The following KCNJ3 variants were observed in gnomAD, a reference collection of about 807,000 sequenced individuals.
The protein encoded by KCNJ3 is G protein-activated inward rectifier potassium channel 1.
In KCNJ3, 4 loss-of-function variants were observed where a neutral mutation model predicts 39.2. The observed-to-expected ratio is 0.10, with a 90% CI of 0.05 to 0.23. The LOEUF (loss-of-function observed/expected upper bound fraction) is 0.23, where lower values mean the gene tolerates loss of function less well. Ranked by LOEUF, KCNJ3 falls within the 10% of genes least tolerant of loss-of-function variation. The pLI is 1.00. For synonymous variants in KCNJ3, 230 were observed against 237.4 expected (o/e 0.97, Z 0.29); for missense variants, 276 against 634.9 (o/e 0.43, Z 6.08).
chr2:154,788,829 G>A (rs1475514598), intron 2 of KCNJ3, among the ~76,000 whole-genome samples: 4 of 151,262 alleles, frequency 2.6e-5, no homozygotes, highest in African/African-American at 7.3e-5. Flanking sequence ...ATATTTGAAA[G>A]GATAATTTTC....
In KCNJ3 at chr2:154,842,653, G is replaced by A. The variant is rs373282167; in HGVS notation, c.920-12074G>A. Among the ~76,000 whole-genome samples, 22 of 152,290 alleles carry A rather than the reference G, an allele frequency of 1.4e-4. 1 individual carries two copies. In the South Asian group the frequency reaches 2.7e-3, roughly 19 times the overall value. On this transcript the variant is annotated intron_variant, in intron 2 of 2. Coordinates refer to ENST00000295101, the MANE Select transcript of KCNJ3 (RefSeq NM_002239.4). ...ATTGGGTGCATATATATTTAGGATA[G>A]TTAGCTCTTCTTGTTGAATTGATTC... is the stretch of plus-strand genomic sequence containing the variant.
In KCNJ3 at chr2:154,855,268, C is replaced by G; in HGVS notation, c.1461C>G (p.Asn487Lys). The G allele has an allele frequency of 1.2e-6, 2 of 1,609,728 alleles. No individual in the cohort carries two copies. Among genetic ancestry groups the G allele is most frequent in the South Asian group, 1.1e-5 (1 of 90,844 alleles). The change falls in exon 3 of 3, where the codon AAC (asparagine) becomes AAG (lysine). Residue 487 changes from asparagine to lysine, a missense_variant. By Grantham distance (94) the Asn-to-Lys change is moderately conservative. This residue lies in a region of KCNJ3 where 126 missense variants were observed against 179.8 expected (regional missense o/e 0.70). Transcript: ENST00000295101. ...GAGGAGCAGCTAGGATGGAAGGGAA[C>G]CTTCCAGCCAAATTAAGAAAAATGA... ...MAGGAARMEG[N>K]LPAKLRKMNS...
At chr2:154,722,336 T>G (rs977820448) in intron 2 of KCNJ3, among the ~76,000 whole-genome samples, 2 of 152,004 alleles carry the variant, frequency 1.3e-5, no homozygotes, top group African/African-American at 4.8e-5. Context: ...TGATGAGTAG[T>G]GTAAATTGGG....
chr2:154,848,000 C>T (rs150374966), intron 2 of KCNJ3, among the ~76,000 whole-genome samples: 127 of 152,152 alleles, frequency 8.3e-4, no homozygotes, highest in Middle Eastern at 6.8e-3. Flanking sequence ...TATAGTGATA[C>T]CAAAAGGCTT....
chr2:154,846,320 A>G (rs989503621), intron 2 of KCNJ3, among the ~76,000 whole-genome samples: 5 of 152,206 alleles, frequency 3.3e-5, no homozygotes, highest in Non-Finnish European at 7.3e-5. Context: ...AATGATCACT[A>G]AAGAATTATT....
chr2:154,847,864 ATCTGGCATTAAAACCG>A (rs1687686576), intron 2 of KCNJ3, among the ~76,000 whole-genome samples: 1 of 152,174 alleles, frequency 6.6e-6, no homozygotes, highest in Admixed American at 6.6e-5. Flanking sequence ...TGTTAGGTGC[ATCTGGCATTAAAACCG>A]ATGCTTTACC....
intron 2 of KCNJ3, among the ~76,000 whole-genome samples, chr2:154,811,295 G>A (rs887593808): frequency 1.2e-4 from 18 of 152,026 alleles, no homozygotes; most frequent in Admixed American, 2.0e-4. Context: ...GTGATAGGAG[G>A]GTGGTGGCTC....
chr2:154,833,580 A>T lies in KCNJ3; in HGVS notation c.920-21147A>T, dbSNP rs141848573. ...AAGTTCATAGTTTACATCAAGGTTC[A>T]TGCTTTGTGTTATATATTCTGAGTT... On this transcript the variant is annotated intron_variant, in intron 2 of 2. Transcript: ENST00000295101. Among the ~76,000 whole-genome samples, 429 of 152,306 alleles carry T rather than the reference A, an allele frequency of 2.8e-3. 4 individuals carry two copies. The highest frequency in any genetic ancestry group is 0.01 in the African/African-American group (422 of 41,556).
intron 2 of KCNJ3, among the ~76,000 whole-genome samples, chr2:154,773,371 G>A (rs1686275793): frequency 6.6e-6 from 1 of 152,050 alleles, no homozygotes; most frequent in Non-Finnish European, 1.5e-5. Context: ...TTGGAGCATG[G>A]GCTGTTTTGC....
At chr2:154,854,591 T>A in intron 2 of KCNJ3, 136 bp from the exon 3 acceptor site, 1 of 592,652 alleles carries the variant, frequency 1.7e-6, no homozygotes, top group Admixed American at 3.0e-5. Flanking sequence ...CAACTTTTAA[T>A]CTATTCTATT....
rs58366846 is a variant in KCNJ3 at position 154,726,796 on chromosome 2, T to TACACACACACACACAC, written c.919+17001_919+17016dup. Reference sequence around the variant, plus strand: ...CACACACACATACATTTTATATACATACACACACACACACACACACACACA... The same window carrying TACACACACACACACAC: ...CACACACACATACATTTTATATACATACACACACACACACACACACACACACACACACACACACACA... On this transcript the variant is annotated intron_variant, in intron 2 of 2. Transcript: ENST00000295101. Among the ~76,000 whole-genome samples, 413 of 115,436 alleles carry TACACACACACACACAC rather than the reference T, an allele frequency of 3.6e-3. 3 individuals are homozygous for TACACACACACACACAC. Among genetic ancestry groups the TACACACACACACACAC allele is most frequent in the African/African-American group, 0.011 (368 of 32,424 alleles). The allele number at this position is 115,436 out of a possible 152,430, so 75.7% of individuals were successfully genotyped here.
At chr2:154,782,459 A>AT (rs1238589151) in intron 2 of KCNJ3, among the ~76,000 whole-genome samples, 2 of 152,144 alleles carry the variant, frequency 1.3e-5, no homozygotes, top group Non-Finnish European at 2.9e-5. Flanking sequence ...CCAGGCTTGC[A>AT]TTTAAAGTTG....
chr2:154,798,979 G>C (rs1686764804), intron 2 of KCNJ3, among the ~76,000 whole-genome samples: 1 of 151,950 alleles, frequency 6.6e-6, no homozygotes, highest in Admixed American at 6.6e-5. Flanking sequence ...TGTGTAGTGT[G>C]TGTGGTGTGT....
At chr2:154,729,472 T>G (rs1275566371) in intron 2 of KCNJ3, among the ~76,000 whole-genome samples, 1 of 152,212 alleles carries the variant, frequency 6.6e-6, no homozygotes, top group Non-Finnish European at 1.5e-5. Flanking sequence ...GTAGTCAGTG[T>G]TCACAATACC....
At chr2:154,709,326 A>G (rs555616597) in intron 1 of KCNJ3, 18 of 458,876 alleles carry the variant, frequency 3.9e-5, no homozygotes, top group Non-Finnish European at 5.6e-5. Context: ...GTTTGTGCTA[A>G]CAACCATTGT....
At chr2:154,778,578 C>T (rs932869776) in intron 2 of KCNJ3, among the ~76,000 whole-genome samples, 2 of 151,996 alleles carry the variant, frequency 1.3e-5, no homozygotes, top group East Asian at 1.9e-4. Flanking sequence ...TGAGATTTGT[C>T]GTAGAATTAG....
At chr2:154,735,898 G>A (rs3113007) in intron 2 of KCNJ3, among the ~76,000 whole-genome samples, 5,602 of 152,160 alleles carry the variant, frequency 0.037, 230 homozygotes, top group East Asian at 0.11. Flanking sequence ...GCCTTGCACT[G>A]TTTCATAGAA....
chr2:154,740,841 T>C (rs1326781371), intron 2 of KCNJ3, among the ~76,000 whole-genome samples: 1 of 152,036 alleles, frequency 6.6e-6, no homozygotes, highest in Non-Finnish European at 1.5e-5. Flanking sequence ...TCTAGCTCTG[T>C]ACCTGACTTG....
In KCNJ3 at chr2:154,698,724, C is replaced by T; in HGVS notation, c.-52C>T. 7.6e-7 allele frequency: 1 copy of T among 1,308,228 alleles called. No individual in the cohort carries two copies. Among genetic ancestry groups the T allele is most frequent in the Admixed American group, 1.9e-5 (1 of 52,836 alleles). 81.0% of individuals were successfully genotyped at this position (1,308,228 alleles called of 1,614,324 possible). On this transcript the variant is annotated 5_prime_UTR_variant, in exon 1 of 3. Coordinates refer to ENST00000295101, the MANE Select transcript of KCNJ3 (RefSeq NM_002239.4). ...CCTTATTGGTGCTAGTTTGCAGCGC[C>T]CAGCTCCTGCGCCTTCGCTTCGCGT...
Sources: allele counts gnomAD v4.1 joint callset (sites outside exome capture counted in the v4.1 genomes callset), GRCh38; gene constraint gnomAD v4.1.1; regional missense constraint gnomAD v4.1.1; transcripts MANE v1.5; gene names NCBI Gene and HGNC (gene_info 2026-07-23, HGNC 2026-07-21).